The following HS3ST4 variants were observed in gnomAD, a reference collection of about 807,000 sequenced individuals.
HS3ST4 encodes the protein heparan sulfate glucosamine 3-O-sulfotransferase 4.
In HS3ST4, 17 loss-of-function variants were observed where a neutral mutation model predicts 29.2. The ratio of observed to expected loss-of-function variants is 0.58; its 90% CI spans 0.40 to 0.87. The LOEUF (loss-of-function observed/expected upper bound fraction) is 0.87, where lower values mean the gene tolerates loss of function less well. HS3ST4 is among the 40% of genes least tolerant of loss of function. The pLI, the probability that HS3ST4 is intolerant of heterozygous loss-of-function variation, is 0.00. For synonymous variants in HS3ST4, 314 were observed against 285.7 expected (o/e 1.10, Z -1.00); for missense variants, 627 against 634.5 (o/e 0.99, Z 0.13).
At chr16:25,989,685 A>G (rs111428460) in intron 1 of HS3ST4, among the ~76,000 whole-genome samples, 11 of 152,326 alleles carry the variant, frequency 7.2e-5, no homozygotes, top group African/African-American at 2.6e-4. Flanking sequence ...GGGGTTCTTC[A>G]GGTCCAGTCT....
chr16:25,700,841 T>C (rs1454498010), intron 1 of HS3ST4, among the ~76,000 whole-genome samples: 1 of 152,204 alleles, frequency 6.6e-6, no homozygotes, highest in African/African-American at 2.4e-5. Context: ...TTGTTGTTGC[T>C]GTTTGTACTC....
At chr16:25,874,703 T>C (rs543043499) in intron 1 of HS3ST4, among the ~76,000 whole-genome samples, 1 of 152,302 alleles carries the variant, frequency 6.6e-6, no homozygotes, top group East Asian at 1.9e-4. Context: ...TGTTTATTCA[T>C]AGATTGTTCC....
intron 1 of HS3ST4, among the ~76,000 whole-genome samples, chr16:25,785,573 G>A (rs1453091530): frequency 6.6e-6 from 1 of 152,166 alleles, no homozygotes. Flanking sequence ...GTGGTTTTAT[G>A]TCAGAAGATT....
intron 1 of HS3ST4, among the ~76,000 whole-genome samples, chr16:26,003,232 C>CT (rs1969228176): frequency 6.6e-6 from 1 of 152,168 alleles, no homozygotes; most frequent in Non-Finnish European, 1.5e-5. Flanking sequence ...ATCCTGGTTT[C>CT]ACCACTTACT....
chr16:26,019,728 A>G (rs1969393683), intron 1 of HS3ST4, among the ~76,000 whole-genome samples: 1 of 152,156 alleles, frequency 6.6e-6, no homozygotes, highest in Non-Finnish European at 1.5e-5. Context: ...GAACATTAAC[A>G]TGGATCGAGG....
intron 1 of HS3ST4, among the ~76,000 whole-genome samples, chr16:25,902,629 G>A (rs535574858): frequency 4.9e-4 from 74 of 152,178 alleles, no homozygotes; most frequent in Non-Finnish European, 9.8e-4. Context: ...TGGGAGATGA[G>A]TGAAGAGGGT....
chr16:25,857,960 C>CTTTG (rs1201501869), intron 1 of HS3ST4, among the ~76,000 whole-genome samples: 1 of 53,564 alleles, frequency 1.9e-5, no homozygotes. Context: ...TTCTTTCTTT[C>CTTTG]TTTCTTTCTT....
intron 1 of HS3ST4, among the ~76,000 whole-genome samples, chr16:25,711,014 G>T (rs1638717454): frequency 6.6e-6 from 1 of 151,212 alleles, no homozygotes. Context: ...GTAGTGATGG[G>T]GTCTTGCTTT....
chr16:25,964,339 C>T (rs1251328926), intron 1 of HS3ST4, among the ~76,000 whole-genome samples: 3 of 152,096 alleles, frequency 2.0e-5, no homozygotes, highest in African/African-American at 7.2e-5. Context: ...ACACACTATA[C>T]TCTGCACATG....
At chr16:25,908,873 G>A (rs546352281) in intron 1 of HS3ST4, among the ~76,000 whole-genome samples, 4 of 152,344 alleles carry the variant, frequency 2.6e-5, no homozygotes, top group African/African-American at 7.2e-5. Context: ...ACAGAATGGA[G>A]TGCCTCTTTT....
intron 1 of HS3ST4, among the ~76,000 whole-genome samples, chr16:25,805,045 C>T (rs1966976721): frequency 6.6e-6 from 1 of 152,086 alleles, no homozygotes; most frequent in African/African-American, 2.4e-5. Flanking sequence ...TCATCTTCTC[C>T]TCCAAGTGTG....
At chr16:26,074,743 C>T (rs1898639737) in intron 1 of HS3ST4, among the ~76,000 whole-genome samples, 1 of 152,170 alleles carries the variant, frequency 6.6e-6, no homozygotes, top group Non-Finnish European at 1.5e-5. Context: ...ATTACCTGGC[C>T]ACTCTGACTT....
intron 1 of HS3ST4, chr16:26,032,793 C>T: frequency 6.9e-7 from 1 of 1,455,298 alleles, no homozygotes; most frequent in Non-Finnish European, 9.6e-7. Context: ...GCATCCCCTT[C>T]AGCCTTTCTC....
At chr16:25,825,180 T>C (rs1967202871) in intron 1 of HS3ST4, among the ~76,000 whole-genome samples, 1 of 152,176 alleles carries the variant, frequency 6.6e-6, no homozygotes, top group African/African-American at 2.4e-5. Context: ...AGTCAAAGAA[T>C]GTCAAGGATT....
At chr16:26,119,066 T>C (rs1413213153) in intron 1 of HS3ST4, among the ~76,000 whole-genome samples, 1 of 152,224 alleles carries the variant, frequency 6.6e-6, no homozygotes, top group African/African-American at 2.4e-5. Context: ...AGAGTATTCA[T>C]TTTTGATTTA....
At chr16:25,887,211 C>T (rs116676425) in intron 1 of HS3ST4, among the ~76,000 whole-genome samples, 4,734 of 152,120 alleles carry the variant, frequency 0.031, 143 homozygotes, top group African/African-American at 0.071. Context: ...AGGAAGTTTC[C>T]GTTCTTTAGG....
chr16:25,764,053 C>T (rs540139373), intron 1 of HS3ST4, among the ~76,000 whole-genome samples: 2 of 152,242 alleles, frequency 1.3e-5, no homozygotes, highest in Non-Finnish European at 2.9e-5. Flanking sequence ...AAGGAGAATG[C>T]GGCATACCAG....
chr16:25,938,280 G>C (rs8051001), intron 1 of HS3ST4, among the ~76,000 whole-genome samples: 83,034 of 151,990 alleles, frequency 0.55, 23,437 homozygotes, highest in African/African-American at 0.61. Flanking sequence ...AGCTGGGAGA[G>C]AGTTGGAGGA....
chr16:25,952,448 A>G (rs1348029788), intron 1 of HS3ST4, among the ~76,000 whole-genome samples: 1 of 152,174 alleles, frequency 6.6e-6, no homozygotes, highest in African/African-American at 2.4e-5. Flanking sequence ...GGATTCAAGC[A>G]TCTGATTGGA....
Sources: gnomAD v4.1 joint callset for allele counts (sites outside exome capture counted in the v4.1 genomes callset) on GRCh38, gnomAD v4.1.1 for gene constraint, MANE v1.5 for transcripts, NCBI Gene and HGNC (gene_info 2026-07-23, HGNC 2026-07-21) for gene names.